ADCY7: variants seen among roughly 807,000 people sequenced by gnomAD.
ADCY7 encodes the protein adenylate cyclase 7, also known as adenylate cyclase type 7.
A neutral mutation model predicts 120.6 loss-of-function variants in ADCY7; 72 were observed. That is an observed-to-expected ratio of 0.60 (90% confidence interval 0.49 to 0.73). The LOEUF (loss-of-function observed/expected upper bound fraction) is 0.73, where lower values mean the gene tolerates loss of function less well. Ranked by LOEUF, ADCY7 falls within the 30% of genes least tolerant of loss-of-function variation. ADCY7 has a pLI of 0.00. For missense variants in ADCY7, 1,227 were observed against 1,486.0 expected (o/e 0.83, Z 2.87); for synonymous variants, 661 against 628.0 (o/e 1.05, Z -0.78).
chr16:50,288,475 GT>G, intron 2 of ADCY7, 125 bp downstream of exon 2: 1 of 1,183,980 alleles, frequency 8.4e-7, no homozygotes, highest in East Asian at 2.8e-5. Flanking sequence ...TGTTTGTTTT[GT>G]TTTGTTTTTG....
intron 1 of ADCY7, among the ~76,000 whole-genome samples, chr16:50,271,805 C>T (rs2033590517): frequency 6.6e-6 from 1 of 152,184 alleles, no homozygotes; most frequent in Non-Finnish European, 1.5e-5. Context: ...GGTCCTCCAG[C>T]ATGGGGAGAA....
chr16:50,314,142 CT>C, intron 23 of ADCY7, 80 bp downstream of exon 23: 1 of 1,469,966 alleles, frequency 6.8e-7, no homozygotes, highest in East Asian at 2.3e-5. Context: ...AGGGTGTGCC[CT>C]TATCTCGTCC....
In ADCY7 at chr16:50,305,603, C is replaced by T; in HGVS notation, c.1679+17C>T. 6.3e-7 allele frequency: 1 copy of T among 1,583,486 alleles called. No individual in the cohort carries two copies. Among genetic ancestry groups the T allele is most frequent in the Non-Finnish European group, 8.6e-7 (1 of 1,161,428 alleles). On this transcript the variant is annotated intron_variant, in intron 13 of 25. Transcript: ENST00000673801. ...CTCCACGAGGTGAGGTCTGAGACCT[C>T]TGTCCACCCCCCTCTCCTCTCCCCC...
At chr16:50,251,665 A>G (rs1180347543) in intron 1 of ADCY7, among the ~76,000 whole-genome samples, 1 of 152,248 alleles carries the variant, frequency 6.6e-6, no homozygotes, top group Non-Finnish European at 1.5e-5. Flanking sequence ...ACGTTGCTGC[A>G]TGGCAGCTAC....
intron 1 of ADCY7, among the ~76,000 whole-genome samples, chr16:50,284,330 G>A (rs369373822): frequency 6.6e-5 from 10 of 152,204 alleles, no homozygotes; most frequent in African/African-American, 2.2e-4. Flanking sequence ...GCCTGCCGTT[G>A]CCCAGAAAGT....
chr16:50,315,024 T>C lies in ADCY7; in HGVS notation c.2982T>C (p.His994=), dbSNP rs1296001058. Residue 994 remains histidine, a synonymous_variant, in exon 25 of 26, where the codon CAT becomes CAC. Coordinates refer to ENST00000673801, the MANE Select transcript of ADCY7 (RefSeq NM_001114.5). Reference sequence around the variant, plus strand: ...AAACATCATCTTCAGGCATAAACCATGGGCCTGTGATTGCTGGAGTGATTG... The same window carrying C: ...AAACATCATCTTCAGGCATAAACCACGGGCCTGTGATTGCTGGAGTGATTG... ...NSFRLRVGIN[H]GPVIAGVIGA... The C allele has an allele frequency of 6.2e-7, 1 of 1,614,218 alleles. No homozygotes were observed. The highest frequency in any genetic ancestry group is 8.5e-7 in the Non-Finnish European group (1 of 1,180,024).
At chr16:50,312,770 C>T in intron 21 of ADCY7, 120 bp from the exon 22 acceptor site, 2 of 844,848 alleles carry the variant, frequency 2.4e-6, no homozygotes, top group South Asian at 1.6e-5. Context: ...CCGCCCCCCT[C>T]CCCACTCCCC....
chr16:50,274,688 T>C (rs2033775491), intron 1 of ADCY7, among the ~76,000 whole-genome samples: 1 of 152,002 alleles, frequency 6.6e-6, no homozygotes, highest in South Asian at 2.1e-4. Flanking sequence ...GGCTTGCTGT[T>C]GGGACAGGAG....
At chr16:50,265,221 C>T (rs187387457), upstream of ADCY7, among the ~76,000 whole-genome samples, 503 of 152,244 alleles carry the variant, frequency 3.3e-3, 4 homozygotes, top group African/African-American at 0.011. Flanking sequence ...CTTGTCTTTC[C>T]CCTCTTTTGA....
chr16:50,312,239 G>A, intron 21 of ADCY7, 48 bp downstream of exon 21: 2 of 1,602,652 alleles, frequency 1.2e-6, no homozygotes, highest in Non-Finnish European at 1.7e-6. Context: ...GGACGGTCCA[G>A]GCGCAGTCCG....
At chr16:50,265,535 C>T (rs768991784), upstream of ADCY7, among the ~76,000 whole-genome samples, 71 of 152,230 alleles carry the variant, frequency 4.7e-4, no homozygotes, top group Non-Finnish European at 9.0e-4. Context: ...GCTGGGGACA[C>T]AGCTGTTGAT....
intron 18 of ADCY7, among the ~76,000 whole-genome samples, chr16:50,310,080 ACT>A (rs1401855697): frequency 2.0e-5 from 3 of 152,198 alleles, no homozygotes; most frequent in Admixed American, 6.5e-5. Flanking sequence ...CAGACAGCAG[ACT>A]CTGCAGCTTC....
intron 1 of ADCY7, among the ~76,000 whole-genome samples, chr16:50,277,884 A>G (rs2034000719): frequency 6.6e-6 from 1 of 151,644 alleles, no homozygotes; most frequent in South Asian, 2.1e-4. Context: ...GTTAGCCAGG[A>G]TGGTCTCGAT....
At chr16:50,280,528 A>G (rs534527604) in intron 1 of ADCY7, among the ~76,000 whole-genome samples, 1 of 151,864 alleles carries the variant, frequency 6.6e-6, no homozygotes, top group Non-Finnish European at 1.5e-5. Context: ...TTCAGTTGTG[A>G]AGTTAGGTTG....
At chr16:50,254,016 A>G (rs2032839039) in intron 1 of ADCY7, among the ~76,000 whole-genome samples, 1 of 152,064 alleles carries the variant, frequency 6.6e-6, no homozygotes, top group South Asian at 2.1e-4. Flanking sequence ...AGCAGGGTTG[A>G]GGCTGGGTCT....
chr16:50,305,062 C>G, intron 12 of ADCY7, 103 bp downstream of exon 12: 1 of 1,449,448 alleles, frequency 6.9e-7, no homozygotes, highest in South Asian at 1.1e-5. Context: ...AAGGCCCAGC[C>G]CAGGACCTCT....
intron 1 of ADCY7, among the ~76,000 whole-genome samples, chr16:50,247,283 G>A (rs1257776695): frequency 6.8e-6 from 1 of 146,136 alleles, no homozygotes; most frequent in Non-Finnish European, 1.5e-5. Flanking sequence ...TCTATGGGGG[G>A]ACCCCACAGG....
At position 50,304,380 on chromosome 16, in the gene ADCY7, C is replaced by T; in HGVS notation, c.1389C>T (p.Pro463=). Residue 463 remains proline, a synonymous_variant, in exon 11 of 26, where the codon CCC becomes CCT. Coordinates refer to ENST00000673801, the MANE Select transcript of ADCY7 (RefSeq NM_001114.5). ...CGCAGAGCCAGCAGCCACCCCCGCC[C>T]AGCCAACACCTCCCCAGGCCCAAGG... The part of the protein sequence containing the change: ...IDPRSQQPPP[P]SQHLPRPKGD... 1.3e-6 allele frequency: 2 copies of T among 1,544,996 alleles called. No homozygotes were observed. The highest frequency in any genetic ancestry group is 1.7e-6 in the Non-Finnish European group (2 of 1,143,254).
At chr16:50,291,329 A>G in intron 3 of ADCY7, among the ~76,000 whole-genome samples, 1 of 9,778 alleles carries the variant, frequency 1.0e-4, no homozygotes, top group African/African-American at 4.3e-4. Context: ...GCCGGTGGGG[A>G]TGGTGGGGCA....
Sources: allele counts gnomAD v4.1 joint callset (sites outside exome capture counted in the v4.1 genomes callset), GRCh38; gene constraint gnomAD v4.1.1; transcripts MANE v1.5; gene names NCBI Gene and HGNC (gene_info 2026-07-23, HGNC 2026-07-21).